ZNF611: variants seen among roughly 807,000 people sequenced by gnomAD.
ZNF611 encodes zinc finger protein 611.
A neutral mutation model predicts 8.9 loss-of-function variants in ZNF611; 6 were observed. The observed-to-expected ratio is 0.68, with a 90% CI of 0.37 to 1.34. The LOEUF (loss-of-function observed/expected upper bound fraction) is 1.34, where lower values mean the gene tolerates loss of function less well. Ranked by LOEUF, ZNF611 falls within the 40% of genes most tolerant of loss-of-function variation. The pLI is 0.02. For synonymous variants in ZNF611, 262 were observed against 279.7 expected (o/e 0.94, Z 0.63); for missense variants, 874 against 841.3 (o/e 1.04, Z -0.48).
chr19:52,726,615 T>C (rs2147444976), intron 3 of ZNF611, among the ~76,000 whole-genome samples: 1 of 152,102 alleles, frequency 6.6e-6, no homozygotes, highest in Admixed American at 6.6e-5. Context: ...AGAAGGGGTT[T>C]CACTGTGTTA....
In ZNF611 at chr19:52,715,902, T is replaced by G. The variant is rs753724927; in HGVS notation, c.-8A>C. On this transcript the variant is annotated 5_prime_UTR_variant, in exon 4 of 6. Transcript: ENST00000652185. ...TGCTTCCTCACGTAACATGAGTCTT[T>G]AGGAATCAATCCTGTATGTGAAAAA... is the stretch of plus-strand genomic sequence containing the variant. 6.2e-7 allele frequency: 1 copy of G among 1,613,494 alleles called. No individual in the cohort carries two copies. The highest frequency in any genetic ancestry group is 8.5e-7 in the Non-Finnish European group (1 of 1,179,810).
intron 3 of ZNF611, chr19:52,721,232 G>T: frequency 6.3e-6 from 1 of 158,600 alleles, no homozygotes; most frequent in Non-Finnish European, 1.4e-5. Context: ...TCACATCTCA[G>T]ACAATGGGTG....
intron 3 of ZNF611, among the ~76,000 whole-genome samples, chr19:52,722,905 GTTTTTTTT>G (rs372056346): frequency 2.5e-5 from 3 of 120,010 alleles, no homozygotes; most frequent in African/African-American, 9.3e-5. Context: ...TTTTGTTTTC[GTTTTTTTT>G]TTTTTTTTTT....
Position 52,705,931 on chromosome 19 carries a change from C to T in ZNF611, c.1124G>A (p.Cys375Tyr). The T allele has an allele frequency of 6.2e-7, 1 of 1,614,180 alleles. No individual in the cohort carries two copies. The highest frequency in any genetic ancestry group is 2.2e-5 in the East Asian group (1 of 44,886). The change falls in exon 6 of 6, where the codon TGT (cysteine) becomes TAT (tyrosine). Residue 375 changes from cysteine (C) to tyrosine (Y), a missense_variant. Transcript: ENST00000652185. ...TGEKPYKCEE[C>Y]DKVFSRKSTI... The stretch of plus-strand genomic sequence containing the variant: ...TGATTTCCGACTGAAAACTTTGTCA[C>T]ATTCTTCACATTTGTAAGGTTTCTC...
At position 52,726,974 on chromosome 19, in the gene ZNF611, G is replaced by T. The variant is rs993591226; in HGVS notation, c.-20+1756C>A. 7.2e-5 allele frequency among the ~76,000 whole-genome samples: 11 copies of T among 151,828 alleles called. No individual in the cohort carries two copies. The East Asian group carries it at 1.4e-3, about 19-fold the overall frequency. On this transcript the variant is annotated intron_variant, in intron 3 of 5. Coordinates refer to ENST00000652185, the MANE Select transcript of ZNF611 (RefSeq NM_001161499.2). ...TCTGCCTCCTGGGTTGAAGCTATTC[G>T]TCTGCCTCAGCCTTTGGAGTAGCTG...
intron 1 of ZNF611, among the ~76,000 whole-genome samples, chr19:52,731,630 G>A (rs1471120600): frequency 1.3e-5 from 2 of 151,918 alleles, no homozygotes; most frequent in African/African-American, 2.4e-5. Context: ...GCTTCCCAAA[G>A]TGCTGGGATT....
At position 52,734,536 on chromosome 19, in the gene ZNF611, CG is replaced by C. The variant is rs3029477; in HGVS notation, c.-222+464del. 4.0e-3 allele frequency among the ~76,000 whole-genome samples: 516 copies of C among 129,188 alleles called. 6 individuals are homozygous for C. Among genetic ancestry groups the C allele is most frequent in the East Asian group, 0.013 (50 of 3,916 alleles). 84.8% of individuals were successfully genotyped at this position (129,188 alleles called of 152,430 possible). On this transcript the variant is annotated intron_variant, in intron 1 of 5. Transcript: ENST00000652185. ...CCGGCATGAGGAGGAAGGTGCGGGG[CG>C]GGGGGGGGGGGCGCGACGGCGCCTT...
rs140820799 is a variant in ZNF611 at position 52,705,151 on chromosome 19, G to A, written c.1904C>T (p.Ser635Leu). The A allele has an allele frequency of 7.2e-5, 117 of 1,614,044 alleles. No individual in the cohort carries two copies. The highest frequency in any genetic ancestry group is 9.5e-5 in the Non-Finnish European group (112 of 1,180,044). Reference protein sequence around the residue: ...NECGNTFRHCSSLIYHRRLHT... With the variant: ...NECGNTFRHCLSLIYHRRLHT... ...AAGTCTACGATGGTATATAAGGGAT[G>A]AGCAGTGACGGAAGGTATTGCCACA... Residue 635 changes from serine to leucine, a missense_variant, in exon 6 of 6, where the codon TCA (serine) becomes TTA (leucine). Physicochemically the swap from Ser to Leu is moderately radical, Grantham distance 145 (BLOSUM62 -2). Coordinates refer to ENST00000652185, the MANE Select transcript of ZNF611 (RefSeq NM_001161499.2).
intron 5 of ZNF611, 83 bp from the exon 6 acceptor site, chr19:52,706,947 C>A (rs549291131): frequency 2.3e-5 from 35 of 1,517,036 alleles, no homozygotes; most frequent in Non-Finnish European, 2.7e-5. Flanking sequence ...ACACAAAAAA[C>A]GATACTTATT....
Position 52,728,955 on chromosome 19 carries a change from T to C in ZNF611, c.-121-124A>G, listed in dbSNP as rs7260267. 35,924 of 153,110 alleles carry C rather than the reference T, an allele frequency of 0.23. 4,394 individuals are homozygous for C. The highest frequency in any genetic ancestry group is 0.3 in the Middle Eastern group (88 of 294). 9.5% of individuals were successfully genotyped at this position (153,110 alleles called of 1,614,324 possible). On this transcript the variant is annotated intron_variant, in intron 2 of 5. Coordinates refer to ENST00000652185, the MANE Select transcript of ZNF611 (RefSeq NM_001161499.2). ...CTTCCCAAACATAATCTTCAAAGTT[T>C]AGGAACATAAAAGGAGTAAGATTCT...
chr19:52,713,673 C>T (rs1268566913), intron 5 of ZNF611, among the ~76,000 whole-genome samples: 1 of 152,096 alleles, frequency 6.6e-6, no homozygotes, highest in Non-Finnish European at 1.5e-5. Flanking sequence ...GGGTGGATCA[C>T]CTGAGGTCGG....
At chr19:52,729,365 C>T (rs924424825) in intron 2 of ZNF611, among the ~76,000 whole-genome samples, 4 of 151,536 alleles carry the variant, frequency 2.6e-5, no homozygotes, top group African/African-American at 9.7e-5. Flanking sequence ...TGGTGGCTTG[C>T]GCCTGCAGTC....
chr19:52,732,391 T>A (rs2062431519), intron 1 of ZNF611, among the ~76,000 whole-genome samples: 1 of 131,714 alleles, frequency 7.6e-6, no homozygotes, highest in Non-Finnish European at 1.6e-5. Context: ...CAGTATTGAG[T>A]TATTCTGAAT....
At chr19:52,719,316 GAC>G (rs369901762) in intron 3 of ZNF611, among the ~76,000 whole-genome samples, 5,627 of 151,952 alleles carry the variant, frequency 0.037, 326 homozygotes, top group African/African-American at 0.13. Context: ...TAGTAACAGA[GAC>G]TCAGTCACTT....
At position 52,702,901 on chromosome 19, in the gene ZNF611, A is replaced by T. The variant is rs1018542352; in HGVS notation, c.*2036T>A. On this transcript the variant is annotated 3_prime_UTR_variant, in exon 6 of 6. Transcript: ENST00000652185. The stretch of plus-strand genomic sequence containing the variant: ...CAATCAAACTTAAGTTTAGGTACCA[A>T]AGGTTTTCAATAAATAACAAAGACT... 6.6e-6 allele frequency: 1 copy of T among 152,212 alleles called. No individual in the cohort carries two copies. Among genetic ancestry groups the T allele is most frequent in the Non-Finnish European group, 1.5e-5 (1 of 68,044 alleles). The allele number at this position is 152,212 out of a possible 1,614,324, so 9.4% of individuals were successfully genotyped here. A position where few individuals can be genotyped will look rare whatever the true frequency, so the allele number is the denominator to read the frequency against.
At chr19:52,711,673 T>C (rs2062281085) in intron 5 of ZNF611, among the ~76,000 whole-genome samples, 1 of 152,196 alleles carries the variant, frequency 6.6e-6, no homozygotes, top group Non-Finnish European at 1.5e-5. Context: ...TCATGGATCA[T>C]GTGCTGAGTC....
intron 5 of ZNF611, among the ~76,000 whole-genome samples, chr19:52,711,512 T>G (rs1322307094): frequency 6.6e-6 from 1 of 152,114 alleles, no homozygotes; most frequent in African/African-American, 2.4e-5. Context: ...GACATGTTCT[T>G]AGGCACAATA....
Position 52,705,123 on chromosome 19 carries a change from A to G in ZNF611, c.1932T>C (p.His644=), listed in dbSNP as rs766961198. 1 of 1,614,164 alleles carries G rather than the reference A, an allele frequency of 6.2e-7. No individual in the cohort carries two copies. The highest frequency in any genetic ancestry group is 2.2e-5 in the East Asian group (1 of 44,850). Residue 644 remains histidine, a synonymous_variant, in exon 6 of 6, where the codon CAT becomes CAC. Transcript: ENST00000652185. ...TACATTTGTAAGATTTCTCTCCAGT[A>G]TGAAGTCTACGATGGTATATAAGGG... The part of the protein sequence containing the change: ...CSSLIYHRRL[H]TGEKSYKCTI...
At position 52,706,288 on chromosome 19, in the gene ZNF611, T is replaced by C. The variant is rs773787228; in HGVS notation, c.767A>G (p.Asp256Gly). The change falls in exon 6 of 6, where the codon GAC becomes GGC. Residue 256 changes from aspartate (D) to glycine (G), a missense_variant. Coordinates refer to ENST00000652185, the MANE Select transcript of ZNF611 (RefSeq NM_001161499.2). ...LRKHQIPHLG[D>G]KQYKCDVCGK... is the part of the protein sequence containing the mutation. ...ACATACATCACATTTATATTGTTTG[T>C]CTCCTAAATGGGGTATCTGGTGTTT... The C allele has an allele frequency of 7.4e-6, 12 of 1,614,024 alleles. No individual in the cohort carries two copies. Among genetic ancestry groups the C allele is most frequent in the Middle Eastern group, 1.6e-4 (1 of 6,084 alleles).
Sources: allele counts gnomAD v4.1 joint callset (sites outside exome capture counted in the v4.1 genomes callset), GRCh38; gene constraint gnomAD v4.1.1; transcripts MANE v1.5; gene names NCBI Gene and HGNC (gene_info 2026-07-23, HGNC 2026-07-21).